The following TRHDE variants were observed in gnomAD, a reference collection of about 807,000 sequenced individuals.
The protein encoded by TRHDE is thyrotropin-releasing hormone-degrading ectoenzyme.
Under a neutral mutation model 125.7 loss-of-function variants are expected in TRHDE, and 72 were observed. The ratio of observed to expected loss-of-function variants is 0.57; its 90% CI spans 0.47 to 0.70. The LOEUF (loss-of-function observed/expected upper bound fraction) is 0.70. Among genes scored for constraint, TRHDE ranks in the 30% least tolerant of loss-of-function variants. TRHDE has a pLI of 0.00. For missense variants in TRHDE, 1,110 were observed against 1,327.1 expected, an observed-to-expected ratio of 0.84 and a Z score of 2.54; for synonymous variants, 509 against 509.1, an observed-to-expected ratio of 1.00 and a Z score of 0.00.
At chr12:72,245,160 G>A (rs373610824) in intron 2 of TRHDE, among the ~76,000 whole-genome samples, 48 of 151,916 alleles carry the variant, frequency 3.2e-4, no homozygotes, top group African/African-American at 1.0e-3. Flanking sequence ...TTAGTTGTGC[G>A]GCATAAATAC....
Position 72,621,152 on chromosome 12 carries a change from G to A in TRHDE, c.2514G>A (p.Gly838=). ...TTGCAACAACATATATCAAGCTTGG[G>A]TGGCCGAAAAATAATTTTAATGGAT... The part of the protein sequence containing the change: ...KQVATTYIKL[G]WPKNNFNGSL... Residue 838 remains glycine, a synonymous_variant, in exon 14 of 19, where the codon GGG becomes GGA. Coordinates refer to ENST00000261180, the MANE Select transcript of TRHDE (RefSeq NM_013381.3). 2 of 1,612,256 alleles carry A rather than the reference G, an allele frequency of 1.2e-6. No individual in the cohort carries two copies. The highest frequency in any genetic ancestry group is 1.7e-6 in the Non-Finnish European group (2 of 1,178,920).
intron 3 of TRHDE, 104 bp from the exon 4 acceptor site, chr12:72,469,654 T>G: frequency 7.8e-7 from 1 of 1,276,714 alleles, no homozygotes; most frequent in Non-Finnish European, 1.1e-6. Context: ...CTAAGTAAAA[T>G]CAAGTATTCC....
At chr12:72,519,146 G>T (rs1489620527) in intron 6 of TRHDE, among the ~76,000 whole-genome samples, 2 of 152,064 alleles carry the variant, frequency 1.3e-5, no homozygotes, top group Non-Finnish European at 2.9e-5. Context: ...TTCTCGAGGA[G>T]TATCTTTGTG....
chr12:72,125,476 A>T (rs1410343662), intron 2 of TRHDE, among the ~76,000 whole-genome samples: 2 of 152,148 alleles, frequency 1.3e-5, no homozygotes, highest in African/African-American at 4.8e-5. Flanking sequence ...CCAGGCAAGA[A>T]CTTCACCCAT....
At chr12:72,575,232 T>G (rs774865194) in intron 10 of TRHDE, 23 bp from the exon 11 acceptor site, 1 of 1,608,916 alleles carries the variant, frequency 6.2e-7, no homozygotes, top group Non-Finnish European at 8.5e-7. Context: ...GTTTGAAATC[T>G]ATCCCAAAAA....
In TRHDE at chr12:72,229,058, A is replaced by C. The variant is rs184367016; in HGVS notation, n.279+123306A>C. Among the ~76,000 whole-genome samples the C allele has an allele frequency of 2.9e-4, 44 of 152,064 alleles. No individual in the cohort carries two copies. The East Asian group carries it at 8.5e-3, about 29-fold the overall frequency. On this transcript the variant is annotated intron_variant and non_coding_transcript_variant, in intron 2 of 4. Coordinates refer to the TRHDE transcript ENST00000548156. ...TTTCTGAGCCCTCCAAACTGTTCCA[A>C]CCTCTGCCTGTTACCCAATTCCAAA...
chr12:72,256,742 A>G (rs1464322984), intron 2 of TRHDE: 1 of 152,220 alleles, frequency 6.6e-6, no homozygotes, highest in African/African-American at 2.4e-5. Flanking sequence ...AGATTGCTGT[A>G]AATTGGTACA....
chr12:72,447,947 T>C (rs1176206658), intron 3 of TRHDE, among the ~76,000 whole-genome samples: 1 of 152,084 alleles, frequency 6.6e-6, no homozygotes, highest in Non-Finnish European at 1.5e-5. Context: ...ACACTTCTAA[T>C]TTAAGTCCAT....
intron 1 of TRHDE, among the ~76,000 whole-genome samples, chr12:72,091,336 A>G (rs1012635925): frequency 6.6e-5 from 10 of 152,172 alleles, no homozygotes; most frequent in African/African-American, 2.4e-4. Flanking sequence ...CAGGGGTTTT[A>G]TGGACAACCT....
At chr12:72,416,498 C>G (rs993468074) in intron 3 of TRHDE, among the ~76,000 whole-genome samples, 8 of 151,824 alleles carry the variant, frequency 5.3e-5, no homozygotes, top group Non-Finnish European at 7.4e-5. Flanking sequence ...ATGTTTACTT[C>G]TAATAGTTTC....
chr12:72,490,646 A>G (rs989918360), intron 5 of TRHDE, among the ~76,000 whole-genome samples: 20 of 151,620 alleles, frequency 1.3e-4, no homozygotes, highest in African/African-American at 4.6e-4. Context: ...AAAAGAATAA[A>G]ATCTTGCCAT....
At chr12:72,384,788 A>T (rs1213651136) in intron 3 of TRHDE, among the ~76,000 whole-genome samples, 4 of 152,158 alleles carry the variant, frequency 2.6e-5, no homozygotes, top group African/African-American at 9.6e-5. Flanking sequence ...AAACATATAT[A>T]TTTTTTATTG....
chr12:72,542,874 A>T (rs1869223737), intron 7 of TRHDE, among the ~76,000 whole-genome samples: 2 of 151,380 alleles, frequency 1.3e-5, no homozygotes, highest in Non-Finnish European at 3.0e-5. Context: ...AGAAAAAGAT[A>T]CAGTTTTTAT....
rs372085987 is a variant in TRHDE, at chr12:72,499,356, T to C, written c.1585-142T>C. The C allele has an allele frequency of 1.3e-5, 14 of 1,078,290 alleles. No individual in the cohort carries two copies. The African/African-American group carries it at 2.1e-4, about 16-fold the overall frequency. The allele number at this position is 1,078,290 out of a possible 1,614,324, so 66.8% of individuals were successfully genotyped here. A position where few individuals can be genotyped will look rare whatever the true frequency, so the allele number is the denominator to read the frequency against. ...TAGAGTAACTTAAGGAGCATTTTTATTGGGTTCACTTTAGAGTTGAGTCAT... is the reference window on the plus strand; with the variant it reads ...TAGAGTAACTTAAGGAGCATTTTTACTGGGTTCACTTTAGAGTTGAGTCAT... On this transcript the variant is annotated intron_variant, in intron 5 of 18. Transcript: ENST00000261180.
intron 2 of TRHDE, among the ~76,000 whole-genome samples, chr12:72,147,336 A>G (rs1334098852): frequency 1.3e-5 from 2 of 152,080 alleles, no homozygotes; most frequent in African/African-American, 4.8e-5. Context: ...CAGCAACTTC[A>G]GGTTTCCTCT....
At chr12:72,386,877 T>C (rs912941461) in intron 3 of TRHDE, among the ~76,000 whole-genome samples, 1 of 152,154 alleles carries the variant, frequency 6.6e-6, no homozygotes, top group East Asian at 1.9e-4. Flanking sequence ...AACACTTTTT[T>C]TCTGTTTTGT....
chr12:72,447,902 A>G (rs961540951), intron 3 of TRHDE, among the ~76,000 whole-genome samples: 112 of 152,164 alleles, frequency 7.4e-4, no homozygotes, highest in Non-Finnish European at 1.3e-4. Context: ...CTGAATGTTC[A>G]ATAGCTCTCT....
intron 1 of TRHDE, among the ~76,000 whole-genome samples, chr12:72,089,523 C>T (rs1344873590): frequency 1.3e-5 from 2 of 152,210 alleles, no homozygotes; most frequent in African/African-American, 4.8e-5. Flanking sequence ...CATTTATGCT[C>T]TTGCACTAAC....
At chr12:72,604,243 A>G (rs1872335223) in intron 12 of TRHDE, among the ~76,000 whole-genome samples, 1 of 152,166 alleles carries the variant, frequency 6.6e-6, no homozygotes, top group Non-Finnish European at 1.5e-5. Flanking sequence ...TCCGTAGGAA[A>G]AAATATTATT....
Sources: allele counts gnomAD v4.1 joint callset (sites outside exome capture counted in the v4.1 genomes callset), GRCh38; gene constraint gnomAD v4.1.1; transcripts MANE v1.5; gene names NCBI Gene and HGNC (gene_info 2026-07-23, HGNC 2026-07-21).